The following SETD7 variants were observed in gnomAD, a reference collection of about 807,000 sequenced individuals.
The protein encoded by SETD7 is SET domain containing 7, histone lysine methyltransferase.
Under a neutral mutation model 41.8 loss-of-function variants are expected in SETD7, and 16 were observed. The ratio of observed to expected loss-of-function variants is 0.38; its 90% CI spans 0.26 to 0.58. The LOEUF is 0.58. SETD7 is among the 20% of genes least tolerant of loss of function. The pLI, the probability that SETD7 is intolerant of heterozygous loss-of-function variation, is 0.64. For synonymous variants in SETD7, 163 were observed against 169.7 expected, an observed-to-expected ratio of 0.96 and a Z score of 0.31; for missense variants, 346 against 459.7, an observed-to-expected ratio of 0.75 and a Z score of 2.26.
intron 2 of SETD7, 30 bp from the exon 3 acceptor site, chr4:139,533,396 A>G: frequency 6.3e-7 from 1 of 1,577,200 alleles, no homozygotes; most frequent in Non-Finnish European, 8.7e-7. Context: ...AAAAAGGAAT[A>G]GTCAGACCAT....
chr4:139,529,609 C>T (rs1727426605), intron 3 of SETD7, among the ~76,000 whole-genome samples: 1 of 152,046 alleles, frequency 6.6e-6, no homozygotes, highest in Non-Finnish European at 1.5e-5. Context: ...TATTTTTGGC[C>T]AAAATCAAAT....
chr4:139,514,904 A>C (rs1332135323), intron 7 of SETD7, among the ~76,000 whole-genome samples: 1 of 152,182 alleles, frequency 6.6e-6, no homozygotes, highest in Non-Finnish European at 1.5e-5. Flanking sequence ...GGTGGCCCAC[A>C]CCTGTAATCC....
At chr4:139,540,118 C>T (rs75753946) in intron 2 of SETD7, among the ~76,000 whole-genome samples, 3,404 of 152,284 alleles carry the variant, frequency 0.022, 125 homozygotes, top group African/African-American at 0.078. Context: ...GAGTGTCCTA[C>T]ACTTTAAGGG....
At chr4:139,521,440 A>C (rs1384913419) in intron 5 of SETD7, among the ~76,000 whole-genome samples, 1 of 151,648 alleles carries the variant, frequency 6.6e-6, no homozygotes, top group South Asian at 2.1e-4. Flanking sequence ...AAAAAAAAAG[A>C]AAAAAGCGCT....
intron 2 of SETD7, among the ~76,000 whole-genome samples, chr4:139,542,138 C>T (rs1044065045): frequency 2.0e-5 from 3 of 152,108 alleles, no homozygotes; most frequent in Non-Finnish European, 4.4e-5. Flanking sequence ...AAGCCAAGCA[C>T]AAAAGGACAA....
chr4:139,546,089 G>C (rs909524272), intron 2 of SETD7, among the ~76,000 whole-genome samples: 1 of 152,184 alleles, frequency 6.6e-6, no homozygotes, highest in African/African-American at 2.4e-5. Flanking sequence ...AGCGAGTAAG[G>C]AGCCTCTCCC....
intron 7 of SETD7, among the ~76,000 whole-genome samples, chr4:139,516,130 A>C (rs549615532): frequency 6.6e-6 from 1 of 152,178 alleles, no homozygotes; most frequent in African/African-American, 2.4e-5. Flanking sequence ...AATTAGAGCC[A>C]AGGGCTGAAT....
intron 2 of SETD7, among the ~76,000 whole-genome samples, chr4:139,544,455 G>A (rs1014624311): frequency 7.9e-5 from 12 of 152,206 alleles, no homozygotes; most frequent in South Asian, 4.1e-4. Context: ...TTCATATCGT[G>A]ACACACCTGC....
chr4:139,544,020 T>C (rs1281762905), intron 2 of SETD7, among the ~76,000 whole-genome samples: 1 of 151,864 alleles, frequency 6.6e-6, no homozygotes, highest in Non-Finnish European at 1.5e-5. Context: ...CTGGGCACAA[T>C]GGCTCACGCC....
intron 4 of SETD7, among the ~76,000 whole-genome samples, chr4:139,525,443 C>T (rs375534121): frequency 6.6e-6 from 1 of 152,132 alleles, no homozygotes; most frequent in South Asian, 2.1e-4. Context: ...GTATGCTATG[C>T]CCTTTGACTA....
intron 2 of SETD7, among the ~76,000 whole-genome samples, chr4:139,533,770 G>A (rs1216816984): frequency 6.6e-6 from 1 of 152,130 alleles, no homozygotes. Context: ...AGTTCTCAAG[G>A]GTCTTTCAGA....
intron 5 of SETD7, among the ~76,000 whole-genome samples, chr4:139,522,500 T>C (rs1727203669): frequency 6.6e-6 from 1 of 152,182 alleles, no homozygotes. Context: ...AGCTAGAATG[T>C]TTTTATGCCT....
At chr4:139,512,736 C>CT (rs918983576) in intron 7 of SETD7, among the ~76,000 whole-genome samples, 5 of 136,334 alleles carry the variant, frequency 3.7e-5, no homozygotes, top group African/African-American at 5.4e-5. Context: ...CATTTAGAGT[C>CT]TTTTTTTTTC....
intron 2 of SETD7, among the ~76,000 whole-genome samples, chr4:139,544,639 G>A (rs972867715): frequency 4.6e-5 from 7 of 152,076 alleles, no homozygotes; most frequent in Non-Finnish European, 8.8e-5. Flanking sequence ...GCTCATTCTC[G>A]GCACACTGGT....
chr4:139,552,788 T>C (rs893791713), intron 1 of SETD7, among the ~76,000 whole-genome samples: 4 of 152,214 alleles, frequency 2.6e-5, no homozygotes, highest in Non-Finnish European at 5.9e-5. Flanking sequence ...TCTTTCCCCT[T>C]TGACTTCCCT....
chr4:139,533,989 GTATA>G lies in SETD7; in HGVS notation c.171-627_171-624del, dbSNP rs1308910240. ...TCTATGTATGTATGTATGTATGTAT[GTATA>G]TCTATGTATATACATACATCCATGA... On this transcript the variant is annotated intron_variant, in intron 2 of 7. Coordinates refer to ENST00000274031, the MANE Select transcript of SETD7 (RefSeq NM_030648.4). Among the ~76,000 whole-genome samples, 431 of 151,486 alleles carry G rather than the reference GTATA, an allele frequency of 2.8e-3. 1 individual carries two copies. Among genetic ancestry groups the G allele is most frequent in the African/African-American group, 9.3e-3 (384 of 41,078 alleles).
In SETD7 at chr4:139,511,783, G is replaced by C; in HGVS notation, c.981C>G (p.Ala327=). 6.2e-7 allele frequency: 1 copy of C among 1,614,054 alleles called. No homozygotes were observed. The highest frequency in any genetic ancestry group is 8.5e-7 in the Non-Finnish European group (1 of 1,179,986). The change falls in exon 8 of 8, where the codon GCC becomes GCG. Residue 327 remains alanine, a synonymous_variant. Transcript: ENST00000274031. ...CATAGGCAACGGTGAGCTCTTCATC[G>C]GCCTCCACTGCTCTCAGGGTGCGGA... is the stretch of plus-strand genomic sequence containing the variant. ...KCIRTLRAVE[A]DEELTVAYGY... is the part of the protein sequence containing the mutation.
At chr4:139,550,676 T>C (rs1728085812) in intron 1 of SETD7, among the ~76,000 whole-genome samples, 1 of 152,200 alleles carries the variant, frequency 6.6e-6, no homozygotes, top group South Asian at 2.1e-4. Context: ...CAAATGCCAA[T>C]AAGATCATTA....
intron 1 of SETD7, 64 bp downstream of exon 1, chr4:139,556,034 G>T (rs1038205975): frequency 1.1e-5 from 16 of 1,488,540 alleles, no homozygotes; most frequent in Admixed American, 2.1e-5. Context: ...TTCGCAGCCC[G>T]CCACTCCTTC....
Sources: gnomAD v4.1 joint callset for allele counts (sites outside exome capture counted in the v4.1 genomes callset) on GRCh38, gnomAD v4.1.1 for gene constraint, MANE v1.5 for transcripts, NCBI Gene and HGNC (gene_info 2026-07-23, HGNC 2026-07-21) for gene names.